RUNX1: variants seen among roughly 807,000 people sequenced by gnomAD.
RUNX1 encodes runt-related transcription factor 1.
In RUNX1, 19 loss-of-function variants were observed where a neutral mutation model predicts 42.8. That is an observed-to-expected ratio of 0.44 (90% CI 0.31 to 0.65). The LOEUF (loss-of-function observed/expected upper bound fraction) is 0.65. RUNX1 is among the 30% of genes least tolerant of loss of function. The pLI is 0.07. For synonymous variants in RUNX1, 271 were observed against 289.4 expected (o/e 0.94, Z 0.64); for missense variants, 528 against 672.0 (o/e 0.79, Z 2.37).
chr21:34,902,042 T>C (rs2058181515), intron 2 of RUNX1, among the ~76,000 whole-genome samples: 2 of 152,210 alleles, frequency 1.3e-5, no homozygotes, highest in Admixed American at 6.5e-5. Context: ...TTTTTCTAAG[T>C]TGAGTAAAAA....
At chr21:34,948,630 G>A (rs934055506) in intron 2 of RUNX1, among the ~76,000 whole-genome samples, 5 of 152,182 alleles carry the variant, frequency 3.3e-5, no homozygotes, top group African/African-American at 1.2e-4. Context: ...CCTAATTTGG[G>A]AATGACTGAT....
rs544021354 is a variant in RUNX1 at position 34,970,626 on chromosome 21, C to T, written c.59-77663G>A. On this transcript the variant is annotated intron_variant, in intron 2 of 8. Coordinates refer to ENST00000675419, the MANE Select transcript of RUNX1 (RefSeq NM_001754.5). ...CTGGGCTCCTACGTTGGTCAGAGGT[C>T]GTGTTCCACTTTGGTGCACTCTTAA... Among the ~76,000 whole-genome samples, 32 of 152,274 alleles carry T rather than the reference C, an allele frequency of 2.1e-4. No individual in the cohort carries two copies. The South Asian group carries it at 6.6e-3, about 32-fold the overall frequency.
intron 2 of RUNX1, among the ~76,000 whole-genome samples, chr21:34,930,692 C>T (rs1005073709): frequency 7.3e-5 from 8 of 109,146 alleles, no homozygotes; most frequent in Admixed American, 4.3e-4. Flanking sequence ...GCTACACTGC[C>T]ACACACACAC....
At chr21:34,989,198 G>A (rs1339103324) in intron 2 of RUNX1, among the ~76,000 whole-genome samples, 1 of 151,940 alleles carries the variant, frequency 6.6e-6, no homozygotes, top group African/African-American at 2.4e-5. Flanking sequence ...TAGTAGAGAC[G>A]GGGTTTCTCC....
chr21:35,005,676 C>G (rs1192027331), intron 2 of RUNX1, among the ~76,000 whole-genome samples: 1 of 152,218 alleles, frequency 6.6e-6, no homozygotes, highest in Non-Finnish European at 1.5e-5. Flanking sequence ...GATATACCTG[C>G]TCAGCACTCG....
At chr21:35,044,512 C>T (rs1333526217) in intron 2 of RUNX1, among the ~76,000 whole-genome samples, 2 of 152,192 alleles carry the variant, frequency 1.3e-5, no homozygotes, top group Non-Finnish European at 2.9e-5. Context: ...CCTTACTCTG[C>T]AGATGAGGAA....
intron 3 of RUNX1, among the ~76,000 whole-genome samples, chr21:34,888,894 G>C: frequency 6.6e-6 from 1 of 151,734 alleles, no homozygotes; most frequent in African/African-American, 2.4e-5. Context: ...ACGCAGCCCG[G>C]GCGGGGAGTC....
rs536930806 is a variant in RUNX1, at chr21:34,937,055, C to A, written c.59-44092G>T. Reference sequence around the variant, plus strand: ...GACCTAGGCGTGCCATGTCTCTTTGCTCCCTACACAGACAGAGGCCTGGCC... The same window carrying A: ...GACCTAGGCGTGCCATGTCTCTTTGATCCCTACACAGACAGAGGCCTGGCC... On this transcript the variant is annotated intron_variant, in intron 2 of 8. Coordinates refer to ENST00000675419, the MANE Select transcript of RUNX1 (RefSeq NM_001754.5). Among the ~76,000 whole-genome samples, 12 of 152,102 alleles carry A rather than the reference C, an allele frequency of 7.9e-5. No homozygotes were observed. In the South Asian group the frequency reaches 2.1e-3, roughly 26 times the overall value.
intron 2 of RUNX1, among the ~76,000 whole-genome samples, chr21:34,913,262 G>GAAGGAC (rs2058286655): frequency 6.6e-6 from 1 of 152,126 alleles, no homozygotes; most frequent in Non-Finnish European, 1.5e-5. Flanking sequence ...AGGAGAAGGA[G>GAAGGAC]AAGAGAAATA....
intron 7 of RUNX1, among the ~76,000 whole-genome samples, chr21:34,828,753 A>T (rs1282017683): frequency 6.6e-6 from 1 of 152,010 alleles, no homozygotes; most frequent in African/African-American, 2.4e-5. Flanking sequence ...TGGCTTTGTC[A>T]TAAAAGTGAG....
intron 7 of RUNX1, among the ~76,000 whole-genome samples, chr21:34,804,828 C>T (rs1030532541): frequency 9.2e-5 from 14 of 151,850 alleles, no homozygotes; most frequent in East Asian, 3.9e-4. Flanking sequence ...CTGCAACCTC[C>T]GCCTCCTGGG....
At chr21:34,811,275 C>T (rs541076959) in intron 7 of RUNX1, among the ~76,000 whole-genome samples, 6 of 152,218 alleles carry the variant, frequency 3.9e-5, no homozygotes, top group South Asian at 4.1e-4. Flanking sequence ...TCAATAAACG[C>T]GAGTGAAATC....
At chr21:35,002,981 T>A (rs906400115) in intron 2 of RUNX1, among the ~76,000 whole-genome samples, 2 of 152,236 alleles carry the variant, frequency 1.3e-5, no homozygotes, top group African/African-American at 4.8e-5. Context: ...CACATTTTCC[T>A]TAACAGAATT....
intron 2 of RUNX1, among the ~76,000 whole-genome samples, chr21:35,012,315 A>C (rs2059131733): frequency 1.3e-5 from 2 of 152,202 alleles, no homozygotes; most frequent in African/African-American, 2.4e-5. Flanking sequence ...CTCCTTTTCT[A>C]GGATTATGAG....
chr21:34,857,174 G>T (rs947426766), intron 6 of RUNX1, among the ~76,000 whole-genome samples: 3 of 152,034 alleles, frequency 2.0e-5, no homozygotes, highest in African/African-American at 7.2e-5. Flanking sequence ...TTTTCCCCAG[G>T]CCCCAAATTC....
At chr21:34,948,832 G>A (rs148580534) in intron 2 of RUNX1, among the ~76,000 whole-genome samples, 79 of 152,072 alleles carry the variant, frequency 5.2e-4, no homozygotes, top group Admixed American at 9.2e-4. Flanking sequence ...TGCAACCTCC[G>A]CCTCCCGGGC....
intron 2 of RUNX1, among the ~76,000 whole-genome samples, chr21:35,037,511 G>C (rs543296096): frequency 6.6e-6 from 1 of 152,148 alleles, no homozygotes; most frequent in Admixed American, 6.5e-5. Flanking sequence ...CAAGCCTTTC[G>C]CTCTGTAAGG....
intron 2 of RUNX1, among the ~76,000 whole-genome samples, chr21:34,926,877 C>G (rs1453741772): frequency 3.3e-5 from 5 of 152,122 alleles, no homozygotes; most frequent in Non-Finnish European, 7.4e-5. Flanking sequence ...ATCAAAACTA[C>G]TCAACAGAAA....
chr21:34,832,442 G>A (rs2057076942), intron 7 of RUNX1, among the ~76,000 whole-genome samples: 1 of 152,120 alleles, frequency 6.6e-6, no homozygotes, highest in African/African-American at 2.4e-5. Context: ...CTTTAAAAAT[G>A]CTTAAGACTT....
Sources: allele counts gnomAD v4.1 joint callset (sites outside exome capture counted in the v4.1 genomes callset), GRCh38; gene constraint gnomAD v4.1.1; transcripts MANE v1.5; gene names NCBI Gene and HGNC (gene_info 2026-07-23, HGNC 2026-07-21).